Variants in SYN3 observed in about 807,000 individuals in gnomAD.
The protein encoded by SYN3 is synapsin III.
Under a neutral mutation model 65.8 loss-of-function variants are expected in SYN3, and 35 were observed. That is an observed-to-expected ratio of 0.53 (90% CI 0.41 to 0.70). SYN3 has a LOEUF of 0.70. Ranked by LOEUF, SYN3 falls within the 30% of genes least tolerant of loss-of-function variation. The pLI is 0.00. For synonymous variants in SYN3, 270 were observed against 292.9 expected (o/e 0.92, Z 0.80); for missense variants, 680 against 749.0 (o/e 0.91, Z 1.08).
chr22:32,887,601 G>A (rs1402445872), intron 4 of SYN3, among the ~76,000 whole-genome samples: 1 of 152,124 alleles, frequency 6.6e-6, no homozygotes, highest in Non-Finnish European at 1.5e-5. Context: ...CCCAGCCCCT[G>A]GCCCCCACAA....
chr22:32,976,197 A>G (rs2052180741), intron 3 of SYN3, among the ~76,000 whole-genome samples: 2 of 152,192 alleles, frequency 1.3e-5, no homozygotes, highest in South Asian at 2.1e-4. Context: ...CCAACCCAAT[A>G]TTACACAAGG....
intron 3 of SYN3, among the ~76,000 whole-genome samples, chr22:32,956,204 A>G (rs5998668): frequency 0.34 from 45,934 of 136,014 alleles, 8,168 homozygotes; most frequent in African/African-American, 0.52. Flanking sequence ...CGCCCAGGCC[A>G]GAATGCAGAG....
intron 6 of SYN3, among the ~76,000 whole-genome samples, chr22:32,773,348 A>T (rs1352342118): frequency 1.4e-5 from 2 of 144,866 alleles, no homozygotes; most frequent in Non-Finnish European, 3.0e-5. Flanking sequence ...CGGAGGTTGC[A>T]GTGAGCCGAG....
At chr22:32,909,074 A>G (rs1441321581) in intron 4 of SYN3, among the ~76,000 whole-genome samples, 2 of 152,168 alleles carry the variant, frequency 1.3e-5, no homozygotes, top group African/African-American at 4.8e-5. Context: ...AACATTTACG[A>G]AGCCCCTTCC....
At chr22:32,882,865 G>A (rs1357123219) in intron 4 of SYN3, among the ~76,000 whole-genome samples, 3 of 152,066 alleles carry the variant, frequency 2.0e-5, no homozygotes, top group Non-Finnish European at 2.9e-5. Flanking sequence ...AAGCCTCAGC[G>A]CTATTACCAC....
At chr22:32,705,514 C>T (rs1477690022) in intron 6 of SYN3, among the ~76,000 whole-genome samples, 1 of 152,198 alleles carries the variant, frequency 6.6e-6, no homozygotes, top group Admixed American at 6.5e-5. Flanking sequence ...GTTCTTTTCG[C>T]TTAGGATTGC....
intron 6 of SYN3, among the ~76,000 whole-genome samples, chr22:32,628,968 C>T (rs1158709833): frequency 6.6e-6 from 1 of 152,126 alleles, no homozygotes; most frequent in African/African-American, 2.4e-5. Flanking sequence ...CCCAGGAGGG[C>T]TCCTAGACCT....
intron 7 of SYN3, among the ~76,000 whole-genome samples, chr22:32,572,243 C>CTCCTTCCT (rs796725900): frequency 8.9e-6 from 1 of 112,242 alleles, no homozygotes; most frequent in African/African-American, 3.8e-5. Flanking sequence ...CAGATTCTGG[C>CTCCTTCCT]TCCTTCCTTC....
At chr22:32,881,051 G>C (rs2049120264) in intron 4 of SYN3, among the ~76,000 whole-genome samples, 1 of 152,216 alleles carries the variant, frequency 6.6e-6, no homozygotes, top group Admixed American at 6.5e-5. Flanking sequence ...ACAGCTGCCT[G>C]AGCTCCAGCG....
chr22:32,657,300 T>G (rs1193964643), intron 6 of SYN3, among the ~76,000 whole-genome samples: 9 of 152,120 alleles, frequency 5.9e-5, no homozygotes, highest in Admixed American at 5.9e-4. Flanking sequence ...ATTTTTTGTA[T>G]TTTTAGTAGA....
At chr22:32,734,209 T>C (rs988836278) in intron 6 of SYN3, among the ~76,000 whole-genome samples, 1 of 152,318 alleles carries the variant, frequency 6.6e-6, no homozygotes, top group African/African-American at 2.4e-5. Flanking sequence ...GAAAACTTCC[T>C]GAGCCCTGAT....
At chr22:32,620,722 C>T (rs2059581511) in intron 6 of SYN3, among the ~76,000 whole-genome samples, 1 of 151,956 alleles carries the variant, frequency 6.6e-6, no homozygotes, top group African/African-American at 2.4e-5. Context: ...CAACCCAAAT[C>T]ACTCTTTTTT....
At position 32,518,111 on chromosome 22, in the gene SYN3, C is replaced by A; in HGVS notation, c.1542G>T (p.Val514=). The A allele has an allele frequency of 6.3e-7, 1 of 1,590,010 alleles. No homozygotes were observed. The stretch of plus-strand genomic sequence containing the variant: ...CCTGCTGGGAGGTACTACGGCCCTG[C>A]ACAGGGGGCCGGGGCTGTGAGGCGA... ...ATLASQPRPP[V]QGRSTSQQGE... The change falls in exon 13 of 14, where the codon GTG becomes GTT. Residue 514 remains valine (V), a synonymous_variant. Coordinates refer to ENST00000358763, the MANE Select transcript of SYN3 (RefSeq NM_003490.4).
chr22:32,515,757 A>G (rs1292225058), intron 13 of SYN3, among the ~76,000 whole-genome samples: 1 of 152,160 alleles, frequency 6.6e-6, no homozygotes, highest in Non-Finnish European at 1.5e-5. Context: ...GCGGAATACT[A>G]TACAGCCATA....
At chr22:32,782,995 T>C (rs1435022834) in intron 6 of SYN3, among the ~76,000 whole-genome samples, 2 of 152,116 alleles carry the variant, frequency 1.3e-5, no homozygotes, top group Non-Finnish European at 2.9e-5. Context: ...TCCCAGAGAG[T>C]AGTGAGACCA....
chr22:32,619,762 G>C (rs1342240850), intron 6 of SYN3, among the ~76,000 whole-genome samples: 1 of 152,184 alleles, frequency 6.6e-6, no homozygotes, highest in Non-Finnish European at 1.5e-5. Flanking sequence ...CTTTGGCCAA[G>C]GCAGTGCAGC....
At chr22:32,532,380 CTG>C (rs1230413938) in intron 10 of SYN3, among the ~76,000 whole-genome samples, 3 of 152,302 alleles carry the variant, frequency 2.0e-5, no homozygotes, top group Admixed American at 2.0e-4. Flanking sequence ...CAGGGAGCAA[CTG>C]TACAGGTCAA....
chr22:33,056,592 T>C (rs956829388), intron 1 of SYN3, among the ~76,000 whole-genome samples: 2 of 152,252 alleles, frequency 1.3e-5, no homozygotes, highest in Non-Finnish European at 1.5e-5. Flanking sequence ...TCTCTTGCAC[T>C]GCACCATAGA....
intron 6 of SYN3, chr22:32,861,888 G>A (rs1480111462): frequency 6.6e-6 from 1 of 152,592 alleles, no homozygotes; most frequent in African/African-American, 2.4e-5. Context: ...CTTGTGTCAT[G>A]TGTAGGCTGT....
Sources: allele counts gnomAD v4.1 joint callset (sites outside exome capture counted in the v4.1 genomes callset), GRCh38; gene constraint gnomAD v4.1.1; transcripts MANE v1.5; gene names NCBI Gene and HGNC (gene_info 2026-07-23, HGNC 2026-07-21).